RAB3GAP2: variants seen among roughly 807,000 people sequenced by gnomAD.
RAB3GAP2 encodes rab3 GTPase-activating protein non-catalytic subunit.
In RAB3GAP2, 87 loss-of-function variants were observed where a neutral mutation model predicts 185.3. The observed-to-expected ratio is 0.47, with a 90% CI of 0.39 to 0.56. The LOEUF is 0.56. RAB3GAP2 is among the 20% of genes least tolerant of loss of function. The probability of loss-of-function intolerance (pLI) is 0.00; values close to 1 mark genes in which losing one functional copy is unlikely to be tolerated. For missense variants in RAB3GAP2, 1,492 were observed against 1,638.2 expected, an observed-to-expected ratio of 0.91 and a Z score of 1.54; for synonymous variants, 554 against 576.1, an observed-to-expected ratio of 0.96 and a Z score of 0.55.
Position 220,153,172 on chromosome 1 carries a change from G to T in RAB3GAP2, c.3867+13C>A. 1 of 1,576,580 alleles carries T rather than the reference G, an allele frequency of 6.3e-7. No homozygotes were observed. Among genetic ancestry groups the T allele is most frequent in the Non-Finnish European group, 8.7e-7 (1 of 1,146,024 alleles). On this transcript the variant is annotated intron_variant, in intron 33 of 34. Coordinates refer to ENST00000358951, the MANE Select transcript of RAB3GAP2 (RefSeq NM_012414.4). Reference sequence around the variant, plus strand: ...AACTTGAGCCCAATTAACATTCAAAGGGTCATGATTACCTCTTCTCCTAAG... The same window carrying T: ...AACTTGAGCCCAATTAACATTCAAATGGTCATGATTACCTCTTCTCCTAAG...
intron 28 of RAB3GAP2, among the ~76,000 whole-genome samples, chr1:220,159,649 A>G (rs1657927494): frequency 6.6e-6 from 1 of 152,142 alleles, no homozygotes; most frequent in Non-Finnish European, 1.5e-5. Context: ...TCAAATATAA[A>G]TTACATATTT....
chr1:220,209,870 A>G (rs1485846302), intron 7 of RAB3GAP2, among the ~76,000 whole-genome samples: 2 of 152,238 alleles, frequency 1.3e-5, no homozygotes, highest in Non-Finnish European at 2.9e-5. Context: ...AAGGCACCTA[A>G]GAAGTTAGAG....
At chr1:220,220,612 G>A (rs928407355) in intron 2 of RAB3GAP2, 1 of 152,296 alleles carries the variant, frequency 6.6e-6, no homozygotes, top group Non-Finnish European at 1.5e-5. Context: ...TGGTTTGGCT[G>A]TGTCCCCACT....
intron 1 of RAB3GAP2, chr1:220,254,184 A>G (rs1659991656): frequency 6.2e-7 from 1 of 1,613,600 alleles, no homozygotes; most frequent in South Asian, 1.1e-5. Flanking sequence ...AATCTCGTGG[A>G]AACACAGATA....
chr1:220,158,002 A>G lies in RAB3GAP2; in HGVS notation c.3262-126T>C. 1 of 750,854 alleles carries G rather than the reference A, an allele frequency of 1.3e-6. No individual in the cohort carries two copies. Among genetic ancestry groups the G allele is most frequent in the Non-Finnish European group, 2.3e-6 (1 of 426,884 alleles). 46.5% of individuals were successfully genotyped at this position (750,854 alleles called of 1,614,324 possible). On this transcript the variant is annotated intron_variant, in intron 29 of 34. Coordinates refer to ENST00000358951, the MANE Select transcript of RAB3GAP2 (RefSeq NM_012414.4). This position sits in a 1 kb window ranked among gnomAD's most constrained non-coding sequence, Gnocchi z 4.3. ...TTTCCACACTGAATAGACAGGCAAG[A>G]ATTTGAAAGTCAAGGCATTAGCATA...
At chr1:220,218,365 C>T (rs572347111) in intron 2 of RAB3GAP2, among the ~76,000 whole-genome samples, 5 of 152,144 alleles carry the variant, frequency 3.3e-5, no homozygotes, top group South Asian at 2.1e-4. Flanking sequence ...TTAGAAAATA[C>T]GATAATATTA....
chr1:220,253,422 TG>T, intron 1 of RAB3GAP2: 1 of 1,283,332 alleles, frequency 7.8e-7, no homozygotes. Context: ...TATGGTAGAG[TG>T]GCCAGACTGT....
chr1:220,223,430 T>C (rs77710634), intron 2 of RAB3GAP2, among the ~76,000 whole-genome samples: 10,437 of 152,142 alleles, frequency 0.069, 485 homozygotes, highest in South Asian at 0.12. Context: ...AATAAGATAA[T>C]GGTATGCGTT....
chr1:220,259,168 G>C (rs1253961317), intron 1 of RAB3GAP2, among the ~76,000 whole-genome samples: 4 of 151,908 alleles, frequency 2.6e-5, no homozygotes, highest in Admixed American at 6.6e-5. Context: ...AGTAATTTAT[G>C]GATTCAATGC....
chr1:220,175,452 C>T (rs764697205), intron 21 of RAB3GAP2, among the ~76,000 whole-genome samples: 14 of 152,166 alleles, frequency 9.2e-5, no homozygotes, highest in East Asian at 5.8e-4. Flanking sequence ...CTCCTGACCT[C>T]GTGATTCGCC....
Position 220,196,087 on chromosome 1 carries a change from A to G in RAB3GAP2, c.960+163T>C, listed in dbSNP as rs1332021146. On this transcript the variant is annotated intron_variant, in intron 10 of 34. Transcript: ENST00000358951. The stretch of plus-strand genomic sequence containing the variant: ...GGTAGTACCTTTTCAGTTAATCTAA[A>G]GAATTTAGAAGAAAGCTAGTTGAGA... 4.2e-5 allele frequency: 33 copies of G among 782,026 alleles called. No homozygotes were observed. In the Admixed American group the frequency reaches 8.9e-4, roughly 21 times the overall value. 48.4% of individuals were successfully genotyped at this position (782,026 alleles called of 1,614,324 possible).
chr1:220,271,665 A>G (rs184703195), intron 1 of RAB3GAP2, among the ~76,000 whole-genome samples: 1 of 152,208 alleles, frequency 6.6e-6, no homozygotes, highest in East Asian at 1.9e-4. Context: ...TTGTTCTCAA[A>G]ATCTGAATGG....
At chr1:220,189,601 C>A in intron 17 of RAB3GAP2, 102 bp downstream of exon 17, 3 of 1,060,940 alleles carry the variant, frequency 2.8e-6, no homozygotes, top group African/African-American at 3.3e-5. Flanking sequence ...GAAAAGAAGA[C>A]TTCAGCCTCT....
intron 1 of RAB3GAP2, among the ~76,000 whole-genome samples, chr1:220,258,602 C>T (rs1254981375): frequency 6.6e-6 from 1 of 152,108 alleles, no homozygotes; most frequent in African/African-American, 2.4e-5. Context: ...TAGTAAGAGC[C>T]TTGTATGACA....
chr1:220,252,136 C>T (rs1290541484), intron 1 of RAB3GAP2, among the ~76,000 whole-genome samples: 1 of 140,914 alleles, frequency 7.1e-6, no homozygotes, highest in Non-Finnish European at 1.5e-5. Flanking sequence ...TAGGCTGAGA[C>T]CCTCTCTCAA....
At chr1:220,187,862 C>T (rs1461026139) in intron 17 of RAB3GAP2, among the ~76,000 whole-genome samples, 2 of 152,046 alleles carry the variant, frequency 1.3e-5, no homozygotes. Context: ...GCAAATTCAT[C>T]AACCGCAAAG....
chr1:220,161,643 G>A (rs538569850), intron 28 of RAB3GAP2, among the ~76,000 whole-genome samples: 67 of 152,308 alleles, frequency 4.4e-4, no homozygotes, highest in Non-Finnish European at 7.8e-4. Flanking sequence ...TTCCATGAAT[G>A]CTATGTTGAA....
At position 220,266,652 on chromosome 1, in the gene RAB3GAP2, TGA is replaced by T. The variant is rs1660231743; in HGVS notation, c.115+5569_115+5570del. ...AAAATAAATTTTGGTAGCATGTTCC[TGA>T]GAGGTTATACAGCAGCCCTGGCTCA... On this transcript the variant is annotated intron_variant, in intron 1 of 34. Transcript: ENST00000358951. 8.3e-6 allele frequency: 12 copies of T among 1,438,506 alleles called. No homozygotes were observed. The South Asian group carries it at 1.4e-4, about 16-fold the overall frequency. The allele number at this position is 1,438,506 out of a possible 1,614,324, so 89.1% of individuals were successfully genotyped here.
intron 1 of RAB3GAP2, among the ~76,000 whole-genome samples, chr1:220,247,841 A>C (rs1307220846): frequency 1.3e-5 from 2 of 152,194 alleles, no homozygotes; most frequent in African/African-American, 4.8e-5. Flanking sequence ...AAATGAAAAA[A>C]TTTTAAAAAG....
Sources: allele counts gnomAD v4.1 joint callset (sites outside exome capture counted in the v4.1 genomes callset), GRCh38; gene constraint gnomAD v4.1.1; non-coding constraint Gnocchi (gnomAD v3.1); transcripts MANE v1.5; gene names NCBI Gene and HGNC (gene_info 2026-07-23, HGNC 2026-07-21).